Variants in HPD observed in about 807,000 individuals in gnomAD.
HPD encodes 4-hydroxyphenylpyruvate dioxygenase.
In HPD, 35 loss-of-function variants were observed where a neutral mutation model predicts 56.9. The observed-to-expected ratio is 0.62, with a 90% CI of 0.47 to 0.82. The LOEUF is 0.82. Ranked by LOEUF, HPD falls within the 40% of genes least tolerant of loss-of-function variation. The pLI is 0.00. For synonymous variants in HPD, 186 were observed against 200.2 expected, an observed-to-expected ratio of 0.93 and a Z score of 0.60; for missense variants, 442 against 506.8, an observed-to-expected ratio of 0.87 and a Z score of 1.23.
chr12:121,872,214 G>C, the HPD span, among the ~76,000 whole-genome samples: 1 of 141,868 alleles, frequency 7.0e-6, no homozygotes, highest in Admixed American at 6.9e-5. Context: ...ACTCCAGCCT[G>C]GGCGACAGAG....
chr12:121,857,955 G>T, intron 2 of HPD, 136 bp from the exon 3 acceptor site: 1 of 722,278 alleles, frequency 1.4e-6, no homozygotes, highest in Non-Finnish European at 2.5e-6. Flanking sequence ...ACCCCATGCA[G>T]CCTTGCCAAG....
chr12:121,870,303 C>T, the HPD span, among the ~76,000 whole-genome samples: 9 of 151,974 alleles, frequency 5.9e-5, no homozygotes, highest in African/African-American at 1.7e-4. Context: ...CCACAACAAC[C>T]CTGTTAAGTA....
upstream of HPD, among the ~76,000 whole-genome samples, chr12:121,861,288 A>G (rs1479528617): frequency 6.6e-6 from 1 of 150,578 alleles, no homozygotes; most frequent in Non-Finnish European, 1.5e-5. Context: ...GTGAGCCGAG[A>G]TCATGCCACT....
chr12:121,868,598 C>T, the HPD span, among the ~76,000 whole-genome samples: 1 of 151,194 alleles, frequency 6.6e-6, no homozygotes, highest in African/African-American at 2.4e-5. Context: ...TGGCTCACTG[C>T]AGCCTCTGCC....
chr12:121,884,038 A>G, the HPD span, among the ~76,000 whole-genome samples: 1 of 152,076 alleles, frequency 6.6e-6, no homozygotes, highest in Non-Finnish European at 1.5e-5. Flanking sequence ...ACACTGATAT[A>G]CTATAATTTA....
intron 6 of HPD, among the ~76,000 whole-genome samples, chr12:121,855,589 C>T (rs927489238): frequency 2.0e-5 from 3 of 151,872 alleles, no homozygotes; most frequent in Non-Finnish European, 2.9e-5. Context: ...TGGTGGCAGG[C>T]GCCTGTAATC....
At chr12:121,843,633 G>A in intron 12 of HPD, 77 bp downstream of exon 12, 2 of 1,567,992 alleles carry the variant, frequency 1.3e-6, no homozygotes, top group South Asian at 2.3e-5. Flanking sequence ...CCTCCGGGCT[G>A]AGACAATATT....
intron 7 of HPD, among the ~76,000 whole-genome samples, chr12:121,853,356 C>T (rs527436457): frequency 6.6e-6 from 1 of 152,176 alleles, no homozygotes; most frequent in Admixed American, 6.6e-5. Flanking sequence ...AGGTGGGGCG[C>T]GGTGGCTCAC....
At chr12:121,854,196 C>T (rs561981312) in intron 7 of HPD, among the ~76,000 whole-genome samples, 70 of 152,164 alleles carry the variant, frequency 4.6e-4, no homozygotes, top group African/African-American at 1.6e-3. Flanking sequence ...GCGGAGGTTG[C>T]AGAGAGCCAA....
chr12:121,879,400 C>T, the HPD span, among the ~76,000 whole-genome samples: 1 of 152,054 alleles, frequency 6.6e-6, no homozygotes. Context: ...TACTGATAAT[C>T]CTTCATCTAC....
Position 121,844,297 on chromosome 12 carries a change from G to A in HPD, c.832-465C>T, listed in dbSNP as rs190988091. On this transcript the variant is annotated intron_variant, in intron 11 of 13. Transcript: ENST00000289004. ...TGACCTCAGGCGATCCACCTACCTCGGCCTCCCAAAGTGCTGGGATTACAG... is the reference window on the plus strand; with the variant it reads ...TGACCTCAGGCGATCCACCTACCTCAGCCTCCCAAAGTGCTGGGATTACAG... Among the ~76,000 whole-genome samples, 317 of 152,056 alleles carry A rather than the reference G, an allele frequency of 2.1e-3. 1 individual carries two copies. Among genetic ancestry groups the A allele is most frequent in the African/African-American group, 6.2e-3 (258 of 41,508 alleles).
At chr12:121,862,850 T>C (rs142458281), upstream of HPD, among the ~76,000 whole-genome samples, 105 of 150,782 alleles carry the variant, frequency 7.0e-4, no homozygotes, top group African/African-American at 2.5e-3. Context: ...TCAGCTAATG[T>C]TTTGTATTTT....
At chr12:121,857,511 C>T in intron 3 of HPD, 79 bp from the exon 4 acceptor site, 1 of 1,138,932 alleles carries the variant, frequency 8.8e-7, no homozygotes. Context: ...GCCCCTGGCC[C>T]CCCTCAGCCT....
At chr12:121,875,799 G>A in the HPD span, among the ~76,000 whole-genome samples, 12 of 151,980 alleles carry the variant, frequency 7.9e-5, no homozygotes, top group East Asian at 1.9e-4. Flanking sequence ...CATACCAAAC[G>A]GATACAAACA....
chr12:121,876,082 G>A, the HPD span, among the ~76,000 whole-genome samples: 3 of 152,072 alleles, frequency 2.0e-5, no homozygotes, highest in Non-Finnish European at 2.9e-5. Flanking sequence ...AGGCCGAGGT[G>A]GGAGGATCAC....
chr12:121,849,646 C>T (rs578155998), intron 8 of HPD, 41 bp downstream of exon 8: 13 of 1,342,016 alleles, frequency 9.7e-6, no homozygotes, highest in East Asian at 9.2e-5. Flanking sequence ...TTCACAGTCC[C>T]TCAGGGCTTT....
At chr12:121,884,797 GTAAA>G in the HPD span, among the ~76,000 whole-genome samples, 2 of 151,944 alleles carry the variant, frequency 1.3e-5, no homozygotes, top group South Asian at 4.1e-4. Flanking sequence ...TTTTGTAAAT[GTAAA>G]TAATTTACAT....
chr12:121,858,780 T>A (rs1878097983), intron 1 of HPD, 41 bp downstream of exon 1: 1 of 1,613,960 alleles, frequency 6.2e-7, no homozygotes, highest in Admixed American at 1.7e-5. Context: ...GAAGCGTTAC[T>A]GAAGATGTCC....
intron 7 of HPD, 65 bp downstream of exon 7, chr12:121,854,638 G>A: frequency 1.8e-6 from 2 of 1,109,246 alleles, no homozygotes; most frequent in African/African-American, 1.5e-5. Flanking sequence ...GGAGTCAGCT[G>A]CGGGGCTCCT....
Sources: gnomAD v4.1 joint callset for allele counts (sites outside exome capture counted in the v4.1 genomes callset) on GRCh38, gnomAD v4.1.1 for gene constraint, MANE v1.5 for transcripts, NCBI Gene and HGNC (gene_info 2026-07-23, HGNC 2026-07-21) for gene names.